The following DAAM1 variants were observed in gnomAD, a reference collection of about 807,000 sequenced individuals.
DAAM1 encodes the protein dishevelled associated activator of morphogenesis 1, also known as disheveled-associated activator of morphogenesis 1.
A neutral mutation model predicts 130.0 loss-of-function variants in DAAM1; 52 were observed. That is an observed-to-expected ratio of 0.40 (90% confidence interval 0.32 to 0.50). The LOEUF (loss-of-function observed/expected upper bound fraction) is 0.50. DAAM1 is among the 20% of genes least tolerant of loss of function. The pLI is 0.61. For synonymous variants in DAAM1, 452 were observed against 444.5 expected (o/e 1.02, Z -0.21); for missense variants, 1,134 against 1,303.8 (o/e 0.87, Z 2.01).
intron 4 of DAAM1, among the ~76,000 whole-genome samples, chr14:59,318,027 C>T (rs1385461367): frequency 6.6e-6 from 1 of 152,130 alleles, no homozygotes; most frequent in Non-Finnish European, 1.5e-5. Context: ...CTTTTTGGAA[C>T]AAGTTCAATT....
intron 1 of DAAM1, among the ~76,000 whole-genome samples, chr14:59,203,158 A>ATTTTTTTTTTTTTT (rs57437992): frequency 1.8e-5 from 2 of 108,114 alleles, no homozygotes; most frequent in East Asian, 2.7e-4. Context: ...CTTCTGGCTA[A>ATTTTTTTTTTTTTT]TTTTTTTTTT....
At chr14:59,282,514 T>C (rs1221496990) in intron 2 of DAAM1, among the ~76,000 whole-genome samples, 1 of 152,134 alleles carries the variant, frequency 6.6e-6, no homozygotes, top group East Asian at 1.9e-4. Flanking sequence ...CAAATCCCAC[T>C]CTTTTTGCTA....
intron 20 of DAAM1, among the ~76,000 whole-genome samples, chr14:59,358,275 G>A (rs989624937): frequency 2.0e-4 from 31 of 152,196 alleles, no homozygotes; most frequent in African/African-American, 7.5e-4. Flanking sequence ...CCAACACAGT[G>A]TTGCCTAATA....
chr14:59,338,511 G>T (rs972179782), intron 15 of DAAM1: 7 of 1,409,902 alleles, frequency 5.0e-6, no homozygotes, highest in Non-Finnish European at 6.9e-6. Context: ...TTTTGTTTTT[G>T]TTTTTTTACA....
intron 2 of DAAM1, among the ~76,000 whole-genome samples, chr14:59,283,396 A>G (rs955595484): frequency 3.9e-5 from 6 of 152,206 alleles, no homozygotes; most frequent in African/African-American, 1.4e-4. Context: ...CTAACATTTT[A>G]AACATGTTCC....
At chr14:59,240,753 C>A (rs1881075719) in intron 1 of DAAM1, among the ~76,000 whole-genome samples, 1 of 152,212 alleles carries the variant, frequency 6.6e-6, no homozygotes, top group Non-Finnish European at 1.5e-5. Context: ...GATCTCTGGT[C>A]GTCTTTGTGT....
intron 1 of DAAM1, among the ~76,000 whole-genome samples, chr14:59,236,023 C>A (rs1889284883): frequency 6.6e-6 from 1 of 152,090 alleles, no homozygotes; most frequent in Admixed American, 6.6e-5. Context: ...AAAAAAATCC[C>A]ATATTAAATG....
intron 1 of DAAM1, among the ~76,000 whole-genome samples, chr14:59,245,619 A>C (rs1344273573): frequency 2.0e-5 from 3 of 152,222 alleles, no homozygotes; most frequent in Non-Finnish European, 1.5e-5. Context: ...ATTTAAGAAA[A>C]TTCTAAATTA....
At chr14:59,208,823 C>T (rs921811781) in intron 1 of DAAM1, among the ~76,000 whole-genome samples, 13 of 152,048 alleles carry the variant, frequency 8.5e-5, no homozygotes, top group African/African-American at 2.4e-5. Context: ...AGTGGGTTCT[C>T]GCTCAGTTCA....
intron 15 of DAAM1, among the ~76,000 whole-genome samples, chr14:59,333,562 T>C (rs745631913): frequency 6.6e-6 from 1 of 152,224 alleles, no homozygotes; most frequent in African/African-American, 2.4e-5. Flanking sequence ...TTTTAGCAAA[T>C]TTCCTGATAA....
intron 2 of DAAM1, among the ~76,000 whole-genome samples, chr14:59,279,135 A>G (rs1391262512): frequency 6.6e-6 from 1 of 152,084 alleles, no homozygotes; most frequent in South Asian, 2.1e-4. Context: ...ATAAATGTTT[A>G]TAGTTGTTAA....
chr14:59,246,410 A>G (rs1243975100), intron 1 of DAAM1, among the ~76,000 whole-genome samples: 2 of 152,198 alleles, frequency 1.3e-5, no homozygotes, highest in Admixed American at 6.5e-5. Flanking sequence ...AGGCTGAATA[A>G]TATCCCATTG....
At chr14:59,339,105 A>G (rs1885746370) in intron 15 of DAAM1, among the ~76,000 whole-genome samples, 4 of 152,336 alleles carry the variant, frequency 2.6e-5, no homozygotes, top group African/African-American at 9.6e-5. Context: ...TAGAACTTAA[A>G]CAGACTTTAG....
rs1409672420 is a variant in DAAM1 at position 59,263,610 on chromosome 14, T to C, written c.133T>C (p.Leu45=). Residue 45 remains leucine (L), a synonymous_variant, in exon 2 of 25, where the codon TTG becomes CTG. Transcript: ENST00000360909. ...NFALQTMEPA[L]PMPPVEELDV... ...TGCGCTTCAGACCATGGAACCAGCA[T>C]TGCCCATGCCCCCTGTGGAGGAGCT... 3 of 1,614,190 alleles carry C rather than the reference T, an allele frequency of 1.9e-6. No individual in the cohort carries two copies. The highest frequency in any genetic ancestry group is 1.7e-5 in the Admixed American group (1 of 60,028).
intron 16 of DAAM1, among the ~76,000 whole-genome samples, chr14:59,342,709 T>C (rs1885897265): frequency 1.3e-5 from 2 of 152,140 alleles, no homozygotes; most frequent in African/African-American, 4.8e-5. Context: ...ATGACACCTG[T>C]GAGAAGATTT....
In DAAM1 at chr14:59,367,579, C is replaced by A; in HGVS notation, c.2977C>A (p.Arg993=). 2 of 1,613,462 alleles carry A rather than the reference C, an allele frequency of 1.2e-6. No individual in the cohort carries two copies. The highest frequency in any genetic ancestry group is 2.2e-5 in the South Asian group (2 of 91,000). ...MRKKKEEEER[R]ARMEAQLKEQ... ...AAAGAAAAAGGAGGAAGAAGAACGT[C>A]GAGCTCGCATGGAAGCTCAGGTGAG... Residue 993 remains arginine, a synonymous_variant, in exon 24 of 25, where the codon CGA becomes AGA. Coordinates refer to ENST00000360909, the MANE Select transcript of DAAM1 (RefSeq NM_001270520.2).
chr14:59,343,455 A>G (rs1566714583), intron 16 of DAAM1, among the ~76,000 whole-genome samples: 1 of 152,128 alleles, frequency 6.6e-6, no homozygotes, highest in African/African-American at 2.4e-5. Flanking sequence ...CACACTTACT[A>G]TCTTTCTTTC....
chr14:59,245,925 C>G (rs1018463423), intron 1 of DAAM1, among the ~76,000 whole-genome samples: 2 of 152,104 alleles, frequency 1.3e-5, no homozygotes, highest in Admixed American at 1.3e-4. Flanking sequence ...CAGAGCATAG[C>G]TATTCATTGA....
intron 3 of DAAM1, among the ~76,000 whole-genome samples, chr14:59,296,055 G>A (rs748583095): frequency 2.6e-5 from 4 of 152,230 alleles, no homozygotes; most frequent in Admixed American, 6.5e-5. Flanking sequence ...TTCAACTCCA[G>A]TGATGGGTTC....
Sources: gnomAD v4.1 joint callset for allele counts (sites outside exome capture counted in the v4.1 genomes callset) on GRCh38, gnomAD v4.1.1 for gene constraint, MANE v1.5 for transcripts, NCBI Gene and HGNC (gene_info 2026-07-23, HGNC 2026-07-21) for gene names.